Variants in NBAS observed in about 807,000 individuals in gnomAD.
NBAS encodes NBAS subunit of NRZ tethering complex.
In NBAS, 219 loss-of-function variants were observed where a neutral mutation model predicts 302.5. That is an observed-to-expected ratio of 0.72 (90% CI 0.65 to 0.81). The LOEUF (loss-of-function observed/expected upper bound fraction) is 0.81, where lower values mean the gene tolerates loss of function less well. NBAS is among the 30% of genes least tolerant of loss of function. NBAS has a pLI of 0.00. For synonymous variants in NBAS, 1,118 were observed against 1,021.6 expected (o/e 1.09, Z -1.80); for missense variants, 2,932 against 2,841.6 (o/e 1.03, Z -0.72).
the NBAS span, among the ~76,000 whole-genome samples, chr2:15,053,631 C>T: frequency 2.0e-5 from 3 of 152,038 alleles, no homozygotes; most frequent in East Asian, 3.9e-4. Context: ...ATGAAAGAAG[C>T]CTAGTGTCCT....
At chr2:14,887,058 T>A in the NBAS span, among the ~76,000 whole-genome samples, 9 of 152,206 alleles carry the variant, frequency 5.9e-5, no homozygotes, top group African/African-American at 1.9e-4. Flanking sequence ...GCAGGCTTAC[T>A]TAGAAACCCC....
At chr2:15,061,779 T>A in the NBAS span, among the ~76,000 whole-genome samples, 1 of 152,242 alleles carries the variant, frequency 6.6e-6, no homozygotes, top group African/African-American at 2.4e-5. Flanking sequence ...ATGGGAACCA[T>A]TTGTTTGCCA....
chr2:15,387,612 A>C (rs1675366628), intron 28 of NBAS, among the ~76,000 whole-genome samples: 1 of 150,712 alleles, frequency 6.6e-6, no homozygotes, highest in African/African-American at 2.4e-5. Context: ...ATATTAAAAA[A>C]TGAATAAGTC....
At chr2:15,318,499 C>T (rs1671625764) in intron 38 of NBAS, among the ~76,000 whole-genome samples, 1 of 152,094 alleles carries the variant, frequency 6.6e-6, no homozygotes, top group African/African-American at 2.4e-5. Flanking sequence ...ATTCAGGAGA[C>T]CCATCTCACG....
At chr2:15,221,099 C>G (rs149298774) in intron 47 of NBAS, among the ~76,000 whole-genome samples, 1 of 152,134 alleles carries the variant, frequency 6.6e-6, no homozygotes, top group Admixed American at 6.5e-5. Context: ...GAAATGGAAA[C>G]AATTAGGGTG....
At chr2:15,485,226 G>A (rs774511425) in intron 12 of NBAS, among the ~76,000 whole-genome samples, 12 of 151,716 alleles carry the variant, frequency 7.9e-5, no homozygotes, top group Non-Finnish European at 1.8e-4. Flanking sequence ...CACATCCACC[G>A]AGAAAAAGGA....
the NBAS span, among the ~76,000 whole-genome samples, chr2:14,832,595 T>C: frequency 6.6e-6 from 1 of 152,144 alleles, no homozygotes; most frequent in African/African-American, 2.4e-5. Context: ...CCCAGCCTCC[T>C]GGGATACTCT....
intron 6 of NBAS, among the ~76,000 whole-genome samples, chr2:15,542,073 C>T (rs1393136642): frequency 1.2e-5 from 1 of 84,300 alleles, no homozygotes; most frequent in African/African-American, 4.3e-5. Flanking sequence ...CCCGGCCGCC[C>T]CTACTGGGAA....
intron 29 of NBAS, 21 bp from the exon 30 acceptor site, chr2:15,379,852 G>C: frequency 6.3e-7 from 1 of 1,599,158 alleles, no homozygotes; most frequent in Non-Finnish European, 8.6e-7. Flanking sequence ...GGAGAAACTG[G>C]AATTAGTTAT....
chr2:15,547,489 C>G (rs1664169869), intron 6 of NBAS, among the ~76,000 whole-genome samples: 1 of 152,222 alleles, frequency 6.6e-6, no homozygotes, highest in African/African-American at 2.4e-5. Flanking sequence ...CTTATCCTTG[C>G]TGCCACATTA....
the NBAS span, among the ~76,000 whole-genome samples, chr2:15,148,873 CA>C: frequency 6.6e-6 from 1 of 152,122 alleles, no homozygotes; most frequent in Middle Eastern, 3.4e-3. Context: ...TTGTGTTTGC[CA>C]AAATACTTTC....
At chr2:14,790,740 C>A in the NBAS span, among the ~76,000 whole-genome samples, 1 of 151,916 alleles carries the variant, frequency 6.6e-6, no homozygotes. Context: ...CAACCTCTGC[C>A]TCCTGGGTTC....
chr2:14,970,959 G>C, the NBAS span, among the ~76,000 whole-genome samples: 1 of 152,138 alleles, frequency 6.6e-6, no homozygotes, highest in Non-Finnish European at 1.5e-5. Context: ...ATATTAACTG[G>C]TACAGAATTC....
the NBAS span, among the ~76,000 whole-genome samples, chr2:15,155,586 G>A: frequency 6.6e-6 from 1 of 152,080 alleles, no homozygotes; most frequent in South Asian, 2.1e-4. Context: ...AGGGAATCAG[G>A]TCACCCTTCT....
chr2:15,408,576 ACTCT>A (rs1172927140), intron 25 of NBAS, among the ~76,000 whole-genome samples: 1 of 151,246 alleles, frequency 6.6e-6, no homozygotes, highest in South Asian at 2.1e-4. Flanking sequence ...TAAATGATAA[ACTCT>A]CTGTTTTCAC....
chr2:14,999,918 G>A, the NBAS span, among the ~76,000 whole-genome samples: 2,188 of 152,298 alleles, frequency 0.014, 34 homozygotes, highest in Middle Eastern at 0.065. Context: ...ACAATGCATA[G>A]GGTAGTGTAT....
the NBAS span, among the ~76,000 whole-genome samples, chr2:14,940,851 C>T: frequency 6.6e-6 from 1 of 152,320 alleles, no homozygotes; most frequent in East Asian, 1.9e-4. Flanking sequence ...CTCCATTCTA[C>T]AACTCACCAC....
chr2:15,089,050 A>T, the NBAS span, among the ~76,000 whole-genome samples: 61,369 of 152,062 alleles, frequency 0.4, 14,575 homozygotes, highest in East Asian at 0.5. Flanking sequence ...CAGCTAAACC[A>T]CACCTTCGGT....
intron 38 of NBAS, among the ~76,000 whole-genome samples, chr2:15,313,337 T>G (rs1249950003): frequency 6.6e-6 from 1 of 152,192 alleles, no homozygotes; most frequent in African/African-American, 2.4e-5. Context: ...AAATAGGTGT[T>G]TTATATCACT....
Sources: allele counts gnomAD v4.1 joint callset (sites outside exome capture counted in the v4.1 genomes callset), GRCh38; gene constraint gnomAD v4.1.1; transcripts MANE v1.5; gene names NCBI Gene and HGNC (gene_info 2026-07-23, HGNC 2026-07-21).